The following PVT1 variants were observed in gnomAD, a reference collection of about 807,000 sequenced individuals.
PVT1 encodes the protein CXCR4/PVT1 fusion.
At chr8:127,859,425 A>T (rs534419393) in intron 2 of PVT1, among the ~76,000 whole-genome samples, 1 of 152,156 alleles carries the variant, frequency 6.6e-6, no homozygotes, top group Admixed American at 6.5e-5. Context: ...GCTGACTCCA[A>T]ACTTGAACTC....
intron 3 of PVT1, among the ~76,000 whole-genome samples, chr8:127,907,943 C>A (rs1815843023): frequency 6.6e-6 from 1 of 152,120 alleles, no homozygotes; most frequent in Non-Finnish European, 1.5e-5. Flanking sequence ...TGTTTCCCTC[C>A]AAGCAGCGAA....
intron 4 of PVT1, among the ~76,000 whole-genome samples, chr8:128,025,073 C>G (rs1817477820): frequency 6.6e-6 from 1 of 152,260 alleles, no homozygotes; most frequent in Non-Finnish European, 1.5e-5. Context: ...GCCCCGGCAT[C>G]TACCTATCCT....
intron 3 of PVT1, among the ~76,000 whole-genome samples, chr8:127,971,023 C>T (rs1202307563): frequency 6.6e-6 from 1 of 152,168 alleles, no homozygotes; most frequent in Admixed American, 6.5e-5. Context: ...TGCTTAGGTA[C>T]CATTATAACA....
At chr8:127,960,266 G>A (rs1455128892) in intron 3 of PVT1, among the ~76,000 whole-genome samples, 1 of 152,094 alleles carries the variant, frequency 6.6e-6, no homozygotes, top group African/African-American at 2.4e-5. Context: ...CTGATGAATG[G>A]GTTGATTTGT....
At chr8:127,946,277 G>T (rs961820953) in intron 3 of PVT1, among the ~76,000 whole-genome samples, 1 of 152,236 alleles carries the variant, frequency 6.6e-6, no homozygotes, top group Non-Finnish European at 1.5e-5. Flanking sequence ...TAGGTGCTAG[G>T]GATGTAAGAG....
chr8:128,053,581 C>T (rs1294677749), intron 4 of PVT1, among the ~76,000 whole-genome samples: 2 of 152,208 alleles, frequency 1.3e-5, no homozygotes, highest in Non-Finnish European at 1.5e-5. Flanking sequence ...CTTTGTTTTA[C>T]TAGAGATGTT....
chr8:127,897,390 G>C (rs764815100), intron 3 of PVT1, among the ~76,000 whole-genome samples: 3 of 152,048 alleles, frequency 2.0e-5, no homozygotes, highest in Non-Finnish European at 4.4e-5. Flanking sequence ...ATTCTCAGCT[G>C]TCCATAGGAA....
chr8:127,921,854 G>GTTTTTTTT lies in PVT1; in HGVS notation n.782+30873_782+30880dup, dbSNP rs71300279. Among the ~76,000 whole-genome samples, 252 of 71,902 alleles carry GTTTTTTTT rather than the reference G, an allele frequency of 3.5e-3. 30 individuals are homozygous for GTTTTTTTT. Among genetic ancestry groups the GTTTTTTTT allele is most frequent in the Non-Finnish European group, 4.4e-3 (194 of 43,622 alleles). 47.2% of individuals were successfully genotyped at this position (71,902 alleles called of 152,430 possible). On this transcript the variant is annotated intron_variant and non_coding_transcript_variant, in intron 3 of 10. Coordinates refer to ENST00000651587, the Ensembl canonical transcript of PVT1. Reference sequence around the variant, plus strand: ...AAAAAAATTATAATTTTTGGTTCATGTTTTTTTTTTTTTTTTTTTTTTTTG... The same window carrying GTTTTTTTT: ...AAAAAAATTATAATTTTTGGTTCATGTTTTTTTTTTTTTTTTTTTTTTTTTTTTTTTTG...
intron 4 of PVT1, among the ~76,000 whole-genome samples, chr8:128,058,812 G>T (rs1448161873): frequency 6.6e-6 from 1 of 152,134 alleles, no homozygotes; most frequent in East Asian, 1.9e-4. Context: ...CAGCATGACA[G>T]ACGACCATGT....
At chr8:128,088,418 A>G (rs1210121455) in intron 5 of PVT1, among the ~76,000 whole-genome samples, 1 of 152,198 alleles carries the variant, frequency 6.6e-6, no homozygotes, top group Non-Finnish European at 1.5e-5. Context: ...GGGGTTGGTC[A>G]TACCTGAGGT....
chr8:127,926,978 G>A (rs892090249), intron 3 of PVT1, among the ~76,000 whole-genome samples: 1 of 151,988 alleles, frequency 6.6e-6, no homozygotes, highest in East Asian at 1.9e-4. Context: ...TCCCTCCTCC[G>A]TTCATTCCCC....
intron 3 of PVT1, among the ~76,000 whole-genome samples, chr8:127,988,340 G>A (rs543716632): frequency 2.0e-5 from 3 of 152,196 alleles, no homozygotes; most frequent in South Asian, 2.1e-4. Flanking sequence ...CCTGAAAAGG[G>A]AAAAGGGCAC....
intron 3 of PVT1, among the ~76,000 whole-genome samples, chr8:127,952,193 G>T (rs779467641): frequency 6.6e-6 from 1 of 152,170 alleles, no homozygotes; most frequent in Non-Finnish European, 1.5e-5. Context: ...CCTGGCTCAC[G>T]ACCGATTGTA....
At chr8:128,065,195 T>TTA (rs753680539) in intron 4 of PVT1, among the ~76,000 whole-genome samples, 1 of 92,526 alleles carries the variant, frequency 1.1e-5, no homozygotes, top group African/African-American at 3.4e-5. Context: ...TCTTTTTTAT[T>TTA]TTTTATTTTT....
intron 4 of PVT1, among the ~76,000 whole-genome samples, chr8:128,066,419 C>G (rs1043721015): frequency 6.6e-6 from 1 of 152,210 alleles, no homozygotes; most frequent in Non-Finnish European, 1.5e-5. Flanking sequence ...CTCAGGTTGA[C>G]CTGTGATGAA....
At chr8:127,981,892 C>T (rs747589916) in intron 3 of PVT1, among the ~76,000 whole-genome samples, 16 of 152,316 alleles carry the variant, frequency 1.1e-4, no homozygotes, top group East Asian at 9.6e-4. Flanking sequence ...ACCACACCTG[C>T]GGCTTTTGGA....
intron 2 of PVT1, among the ~76,000 whole-genome samples, chr8:127,842,890 A>G (rs1215521030): frequency 1.3e-5 from 2 of 152,158 alleles, no homozygotes; most frequent in Non-Finnish European, 2.9e-5. Context: ...CCTAGTACCC[A>G]ACTTCCTAGA....
At chr8:127,839,264 G>A (rs1056706077) in intron 2 of PVT1, among the ~76,000 whole-genome samples, 8 of 152,084 alleles carry the variant, frequency 5.3e-5, no homozygotes, top group Non-Finnish European at 1.0e-4. Context: ...AATAAAAGGC[G>A]GGCTGGGTGC....
rs1372391250 is a variant in PVT1 at position 128,054,545 on chromosome 8, C to T, written n.913-15615C>T. On this transcript the variant is annotated intron_variant and non_coding_transcript_variant, in intron 4 of 10. Coordinates refer to ENST00000651587, the Ensembl canonical transcript of PVT1. ...TTGTTGCCATCCTCAGTTCCTTGCA[C>T]CTGTTGATTGAAACACTGATGGCCT... 2.0e-5 allele frequency among the ~76,000 whole-genome samples: 3 copies of T among 152,258 alleles called. No homozygotes were observed. In the East Asian group the frequency reaches 5.8e-4, roughly 29 times the overall value.
Sources: gnomAD v4.1 joint callset for allele counts (sites outside exome capture counted in the v4.1 genomes callset) on GRCh38, gnomAD v4.1.1 for gene constraint, MANE v1.5 for transcripts, NCBI Gene and HGNC (gene_info 2026-07-23, HGNC 2026-07-21) for gene names.